The following NTN1 variants were observed in gnomAD, a reference collection of about 807,000 sequenced individuals.
NTN1 encodes netrin 1.
In NTN1, 11 loss-of-function variants were observed where a neutral mutation model predicts 54.2. The ratio of observed to expected loss-of-function variants is 0.20; its 90% CI spans 0.13 to 0.34. The LOEUF is 0.34. Ranked by LOEUF, NTN1 falls within the 10% of genes least tolerant of loss-of-function variation. The pLI is 1.00. For missense variants in NTN1, 740 were observed against 893.1 expected, an observed-to-expected ratio of 0.83 and a Z score of 2.18; for synonymous variants, 371 against 382.0, an observed-to-expected ratio of 0.97 and a Z score of 0.33.
chr17:9,074,427 G>A (rs761568221), intron 2 of NTN1, among the ~76,000 whole-genome samples: 1 of 152,198 alleles, frequency 6.6e-6, no homozygotes. Context: ...GCCATGGAGC[G>A]GGTGAGTGAG....
rs151236957 is a variant in NTN1 at position 9,205,571 on chromosome 17, T to C, written c.1412-15597T>C. On this transcript the variant is annotated intron_variant, in intron 5 of 6. Coordinates refer to ENST00000173229, the MANE Select transcript of NTN1 (RefSeq NM_004822.3). ...CCACGGGTTCGAGGCTGCAGTGAGC[T>C]GTGATTGCGCCTCTGCGCTCCAGCT... Among the ~76,000 whole-genome samples, 1,132 of 152,350 alleles carry C rather than the reference T, an allele frequency of 7.4e-3. 19 individuals are homozygous for C. Among genetic ancestry groups the C allele is most frequent in the African/African-American group, 0.026 (1,079 of 41,568 alleles).
intron 5 of NTN1, among the ~76,000 whole-genome samples, chr17:9,200,167 G>A (rs965369015): frequency 1.3e-5 from 2 of 152,226 alleles, no homozygotes; most frequent in Admixed American, 6.5e-5. Flanking sequence ...ACCCTTCAGT[G>A]CTGACAGCAG....
At chr17:9,084,713 G>A (rs891017270) in intron 2 of NTN1, among the ~76,000 whole-genome samples, 10 of 139,542 alleles carry the variant, frequency 7.2e-5, no homozygotes, top group South Asian at 2.4e-4. Flanking sequence ...GTGCAGTGGC[G>A]TGATCTCGGC....
the NTN1 span, among the ~76,000 whole-genome samples, chr17:9,013,178 C>T: frequency 6.6e-6 from 1 of 151,408 alleles, no homozygotes; most frequent in African/African-American, 2.4e-5. Context: ...CCAATACCAC[C>T]TCTACAGAGA....
chr17:9,239,615 C>T lies in NTN1; in HGVS notation c.1487-25C>T. 1 of 1,596,828 alleles carries T rather than the reference C, an allele frequency of 6.3e-7. No individual in the cohort carries two copies. Among genetic ancestry groups the T allele is most frequent in the Non-Finnish European group, 8.6e-7 (1 of 1,166,764 alleles). ...CCTAGCCACAGCAGCTGGGAGCCCA[C>T]CCGTCTGCCTGTGCTTCCTTGCAGC... On this transcript the variant is annotated intron_variant, in intron 6 of 6. Coordinates refer to ENST00000173229, the MANE Select transcript of NTN1 (RefSeq NM_004822.3). This position sits in a 1 kb window ranked among gnomAD's most constrained non-coding sequence, Gnocchi z 5.2.
At chr17:9,129,191 G>A (rs1397159212) in intron 2 of NTN1, among the ~76,000 whole-genome samples, 1 of 152,162 alleles carries the variant, frequency 6.6e-6, no homozygotes, top group Non-Finnish European at 1.5e-5. Flanking sequence ...GCCAGCGTGG[G>A]ACTGGGTTTA....
At chr17:9,020,425 A>G (rs1373217016), upstream of NTN1, among the ~76,000 whole-genome samples, 2 of 152,246 alleles carry the variant, frequency 1.3e-5, no homozygotes, top group Non-Finnish European at 2.9e-5. Context: ...GAATGAGGCA[A>G]GGAGGGGCTG....
intron 2 of NTN1, among the ~76,000 whole-genome samples, chr17:9,064,960 G>A (rs2092010241): frequency 6.6e-6 from 1 of 151,830 alleles, no homozygotes; most frequent in African/African-American, 2.4e-5. Context: ...TTATTGAGAT[G>A]GCGCCTCTCT....
intron 6 of NTN1, among the ~76,000 whole-genome samples, chr17:9,224,618 C>T (rs534201550): frequency 6.6e-6 from 1 of 152,348 alleles, no homozygotes; most frequent in African/African-American, 2.4e-5. Context: ...CAGCAGCCTT[C>T]CTTGAGTTTT....
intron 2 of NTN1, among the ~76,000 whole-genome samples, chr17:9,109,339 G>T (rs1466979751): frequency 6.6e-6 from 1 of 152,104 alleles, no homozygotes; most frequent in Non-Finnish European, 1.5e-5. Flanking sequence ...TTACATGTAT[G>T]CATCTTTGCA....
chr17:9,129,288 A>G (rs533393971), intron 2 of NTN1, among the ~76,000 whole-genome samples: 70 of 152,102 alleles, frequency 4.6e-4, no homozygotes, highest in African/African-American at 1.2e-3. Flanking sequence ...CTCCAGCCTC[A>G]TTAAAAGGTA....
the NTN1 span, among the ~76,000 whole-genome samples, chr17:9,012,612 A>G: frequency 1.3e-5 from 2 of 151,502 alleles, no homozygotes; most frequent in East Asian, 3.9e-4. Context: ...CCTTCCCCCA[A>G]ATAACATCTG....
chr17:9,036,760 T>A (rs1345234674), intron 2 of NTN1, among the ~76,000 whole-genome samples: 1 of 152,158 alleles, frequency 6.6e-6, no homozygotes, highest in Non-Finnish European at 1.5e-5. Flanking sequence ...TCTTCAGTCT[T>A]CCTTAACGAA....
At chr17:9,033,073 C>G (rs1321302325) in intron 2 of NTN1, among the ~76,000 whole-genome samples, 1 of 151,788 alleles carries the variant, frequency 6.6e-6, no homozygotes, top group South Asian at 2.1e-4. Context: ...TCTGTCTCAG[C>G]CTCCTGAGTA....
At chr17:9,185,360 A>C (rs921800416) in intron 5 of NTN1, among the ~76,000 whole-genome samples, 1 of 152,098 alleles carries the variant, frequency 6.6e-6, no homozygotes, top group African/African-American at 2.4e-5. Context: ...CCGTGTTTGA[A>C]TAGGGGAGGC....
At chr17:9,187,901 G>A in intron 5 of NTN1, among the ~76,000 whole-genome samples, 1 of 152,128 alleles carries the variant, frequency 6.6e-6, no homozygotes, top group East Asian at 1.9e-4. Context: ...CATGCTGATT[G>A]AAAGAAGCCA....
intron 2 of NTN1, among the ~76,000 whole-genome samples, chr17:9,064,584 G>T (rs2092009016): frequency 6.6e-6 from 1 of 152,116 alleles, no homozygotes; most frequent in Non-Finnish European, 1.5e-5. Context: ...CCCCTACTCG[G>T]TGTATTTCAT....
intron 5 of NTN1, among the ~76,000 whole-genome samples, chr17:9,189,045 C>T (rs1006791534): frequency 6.6e-6 from 1 of 152,176 alleles, no homozygotes; most frequent in Non-Finnish European, 1.5e-5. Flanking sequence ...TTAGACCAGA[C>T]CCAGAATAAA....
At chr17:9,224,235 C>A (rs1244681341) in intron 6 of NTN1, among the ~76,000 whole-genome samples, 2 of 152,212 alleles carry the variant, frequency 1.3e-5, no homozygotes, top group African/African-American at 4.8e-5. Context: ...GCTCTCCTGG[C>A]CCCTCACCTC....
Sources: allele counts gnomAD v4.1 joint callset (sites outside exome capture counted in the v4.1 genomes callset), GRCh38; gene constraint gnomAD v4.1.1; non-coding constraint Gnocchi (gnomAD v3.1); transcripts MANE v1.5; gene names NCBI Gene and HGNC (gene_info 2026-07-23, HGNC 2026-07-21).